Variants in USP2 observed in about 807,000 individuals in gnomAD.
USP2 encodes ubiquitin specific peptidase 2, also known as ubiquitin carboxyl-terminal hydrolase 2.
In USP2, 33 loss-of-function variants were observed where a neutral mutation model predicts 72.0. That is an observed-to-expected ratio of 0.46 (90% CI 0.35 to 0.61). The LOEUF is 0.61. Among genes scored for constraint, USP2 ranks in the 20% least tolerant of loss-of-function variants. The probability of loss-of-function intolerance (pLI) is 0.01; values close to 1 mark genes in which losing one functional copy is unlikely to be tolerated. For missense variants in USP2, 691 were observed against 797.8 expected, an observed-to-expected ratio of 0.87 and a Z score of 1.61; for synonymous variants, 296 against 312.5, an observed-to-expected ratio of 0.95 and a Z score of 0.56.
chr11:119,368,551 C>T (rs893258746), intron 2 of USP2, among the ~76,000 whole-genome samples: 7 of 152,236 alleles, frequency 4.6e-5, no homozygotes, highest in African/African-American at 1.7e-4. Flanking sequence ...ATCTCCCTGT[C>T]ACTGAACAGC....
At chr11:119,364,054 G>A in intron 2 of USP2, 10 of 1,274,502 alleles carry the variant, frequency 7.8e-6, no homozygotes, top group Non-Finnish European at 9.9e-6. Flanking sequence ...GGGGCGCGGG[G>A]GGAGTCCCCG....
chr11:119,359,504 G>T (rs1170530640), intron 4 of USP2, 33 bp downstream of exon 4: 1 of 1,612,538 alleles, frequency 6.2e-7, no homozygotes, highest in Non-Finnish European at 8.5e-7. Flanking sequence ...GCATCCGGGG[G>T]TAGGCAGGGG....
At chr11:119,374,825 T>C (rs1400361977) in intron 1 of USP2, among the ~76,000 whole-genome samples, 3 of 152,192 alleles carry the variant, frequency 2.0e-5, no homozygotes, top group Non-Finnish European at 4.4e-5. Context: ...TGTGATGGAC[T>C]AGCTGGGTGA....
intron 1 of USP2, among the ~76,000 whole-genome samples, chr11:119,373,884 C>G (rs923382296): frequency 2.0e-5 from 3 of 152,238 alleles, no homozygotes; most frequent in African/African-American, 7.2e-5. Flanking sequence ...TGCAGAAACT[C>G]TTGAGCTGGG....
intron 2 of USP2, chr11:119,364,229 G>T (rs1216186341): frequency 9.2e-7 from 1 of 1,091,186 alleles, no homozygotes. Context: ...CCGGCGCCTC[G>T]GGCCCCGCGA....
chr11:119,358,254 T>C lies in USP2; in HGVS notation c.1238-2A>G, dbSNP rs151294772. The C allele has an allele frequency of 1.9e-6, 3 of 1,612,624 alleles. No homozygotes were observed. The African/African-American group carries it at 4.0e-5, about 22-fold the overall frequency. The stretch of plus-strand genomic sequence containing the variant: ...TCTTTAGCTGCCCAACAAAGAGATC[T>C]GGGGAAGAGAAGGCCATGAGATGCT... On this transcript the variant is annotated splice_acceptor_variant, in intron 7 of 12. Transcript: ENST00000260187. LOFTEE classifies it high-confidence loss of function.
intron 7 of USP2, 48 bp downstream of exon 7, chr11:119,358,725 A>G (rs745341715): frequency 6.2e-7 from 1 of 1,603,778 alleles, no homozygotes; most frequent in Non-Finnish European, 8.5e-7. Flanking sequence ...CCACTCAGGC[A>G]AGAGCAGGCA....
intron 2 of USP2, among the ~76,000 whole-genome samples, chr11:119,371,342 C>A (rs1591330574): frequency 6.6e-6 from 1 of 152,118 alleles, no homozygotes; most frequent in East Asian, 1.9e-4. Context: ...GTGAGTCCTG[C>A]TCCACTCCAA....
In USP2 at chr11:119,373,099, T is replaced by C; in HGVS notation, c.382A>G (p.Asn128Asp). 3.7e-6 allele frequency: 6 copies of C among 1,614,048 alleles called. No individual in the cohort carries two copies. Among genetic ancestry groups the C allele is most frequent in the Non-Finnish European group, 5.1e-6 (6 of 1,179,994 alleles). Residue 128 changes from asparagine to aspartate, a missense_variant, in exon 2 of 13, where the codon AAT (asparagine) becomes GAT (aspartate). Asn to Asp is a conservative substitution (Grantham distance 23, BLOSUM62 1). Coordinates refer to ENST00000260187, the MANE Select transcript of USP2 (RefSeq NM_004205.5). ...TNNCLSYLPI[N>D]AYDQGVTLTQ... ...AGGGTCACCCCCTGGTCATAGGCAT[T>C]GATGGGCAGGTAGCTGAGGCAGTTG...
At chr11:119,358,088 A>C in intron 8 of USP2, 27 bp from the exon 9 acceptor site, 1 of 1,614,234 alleles carries the variant, frequency 6.2e-7, no homozygotes, top group Non-Finnish European at 8.5e-7. Flanking sequence ...AGCAAAGGTC[A>C]GAGGTCAACA....
intron 1 of USP2, chr11:119,379,116 G>A (rs993021549): frequency 1.2e-5 from 12 of 985,354 alleles, no homozygotes; most frequent in East Asian, 2.3e-4. Flanking sequence ...TGGGTAATCC[G>A]GAGCTCAGGT....
chr11:119,381,589 G>C lies in USP2; in HGVS notation c.-158C>G. On this transcript the variant is annotated 5_prime_UTR_variant, in exon 1 of 13. Transcript: ENST00000260187. ...ACCAGCTGACGAAGAGGGCTCCCCG[G>C]CCTCGGCTCCTGCCTGACTCTCTCC... 6.6e-7 allele frequency: 1 copy of C among 1,524,700 alleles called. No individual in the cohort carries two copies. Among genetic ancestry groups the C allele is most frequent in the South Asian group, 1.2e-5 (1 of 83,802 alleles). The allele number at this position is 1,524,700 out of a possible 1,614,324, so 94.4% of individuals were successfully genotyped here. A position where few individuals can be genotyped will look rare whatever the true frequency, so the allele number is the denominator to read the frequency against.
At chr11:119,375,237 G>A (rs1184723213) in intron 1 of USP2, among the ~76,000 whole-genome samples, 1 of 152,240 alleles carries the variant, frequency 6.6e-6, no homozygotes, top group Non-Finnish European at 1.5e-5. Flanking sequence ...GCGAGGGCTT[G>A]GCAGAAAGCT....
chr11:119,358,323 A>AC, intron 7 of USP2, 71 bp from the exon 8 acceptor site: 1 of 1,147,544 alleles, frequency 8.7e-7, no homozygotes. Flanking sequence ...AGCAGCTTTT[A>AC]TTTTTTTTTT....
intron 2 of USP2, among the ~76,000 whole-genome samples, chr11:119,362,169 G>C (rs1353526109): frequency 1.3e-5 from 2 of 152,188 alleles, no homozygotes; most frequent in Admixed American, 1.3e-4. Flanking sequence ...CAGGCCCTCA[G>C]CTGAGACAAC....
intron 1 of USP2, among the ~76,000 whole-genome samples, chr11:119,378,096 C>G (rs368367349): frequency 1.3e-5 from 2 of 152,110 alleles, no homozygotes; most frequent in Admixed American, 1.3e-4. Context: ...GGAGCCCCCA[C>G]AGTGGTGACC....
At chr11:119,357,435 TTGCACACC>T in intron 11 of USP2, 40 bp downstream of exon 11, 1 of 1,611,830 alleles carries the variant, frequency 6.2e-7, no homozygotes, top group South Asian at 1.1e-5. Flanking sequence ...CCCTCCGGCC[TTGCACACC>T]TGCGTCTTCA....
intron 2 of USP2, among the ~76,000 whole-genome samples, chr11:119,361,611 G>T (rs59121503): frequency 2.0e-5 from 3 of 151,846 alleles, no homozygotes; most frequent in African/African-American, 4.8e-5. Flanking sequence ...TTGTCAGCTG[G>T]GGGGGAGGGG....
chr11:119,358,016 T>C lies in USP2; in HGVS notation c.1387A>G (p.Thr463Ala). ...VTLMDCMRLF[T>A]KEDVLDGDEK... ...TCTCCATCAAGCACATCCTCTTTGG[T>C]GAAGAGCCTCATGCAGTCCATTAAT... is the stretch of plus-strand genomic sequence containing the variant. The change falls in exon 9 of 13, where the codon ACC (threonine) becomes GCC (alanine). Residue 463 changes from threonine to alanine, a missense_variant. Transcript: ENST00000260187. 2.5e-6 allele frequency: 4 copies of C among 1,614,078 alleles called. No homozygotes were observed. Among genetic ancestry groups the C allele is most frequent in the Non-Finnish European group, 3.4e-6 (4 of 1,180,030 alleles).
Sources: allele counts gnomAD v4.1 joint callset (sites outside exome capture counted in the v4.1 genomes callset), GRCh38; gene constraint gnomAD v4.1.1; transcripts MANE v1.5; gene names NCBI Gene and HGNC (gene_info 2026-07-23, HGNC 2026-07-21).